The following KCTD8 variants were observed in gnomAD, a reference collection of about 807,000 sequenced individuals.
KCTD8 encodes BTB/POZ domain-containing protein KCTD8.
Under a neutral mutation model 31.5 loss-of-function variants are expected in KCTD8, and 27 were observed. The observed-to-expected ratio is 0.86, with a 90% CI of 0.63 to 1.18. KCTD8 has a LOEUF of 1.18. Ranked by LOEUF, KCTD8 falls within the 50% of genes most tolerant of loss-of-function variation. The probability of loss-of-function intolerance (pLI) is 0.00; values close to 1 mark genes in which losing one functional copy is unlikely to be tolerated. For missense variants in KCTD8, 658 were observed against 647.7 expected (o/e 1.02, Z -0.17); for synonymous variants, 290 against 280.0 (o/e 1.04, Z -0.36).
chr4:44,189,690 C>T (rs1013021069), intron 1 of KCTD8, among the ~76,000 whole-genome samples: 23 of 151,628 alleles, frequency 1.5e-4, no homozygotes, highest in Admixed American at 7.2e-4. Flanking sequence ...TCTCTATAGC[C>T]GACTCTACAC....
intron 1 of KCTD8, among the ~76,000 whole-genome samples, chr4:44,396,586 G>A (rs1252679147): frequency 6.6e-6 from 1 of 151,392 alleles, no homozygotes; most frequent in Non-Finnish European, 1.5e-5. Context: ...TAAAAATTCT[G>A]GACAAACACA....
intron 1 of KCTD8, among the ~76,000 whole-genome samples, chr4:44,421,825 G>A (rs1362168063): frequency 6.6e-6 from 1 of 151,960 alleles, no homozygotes; most frequent in Non-Finnish European, 1.5e-5. Context: ...GCTACTATTG[G>A]GAGTAAGCCC....
intron 1 of KCTD8, among the ~76,000 whole-genome samples, chr4:44,380,873 T>C (rs1258518051): frequency 2.0e-5 from 3 of 152,154 alleles, no homozygotes; most frequent in Admixed American, 6.6e-5. Context: ...TTTTTCACTC[T>C]TGTCCACAAA....
chr4:44,194,679 C>T (rs991020112), intron 1 of KCTD8, among the ~76,000 whole-genome samples: 1 of 151,772 alleles, frequency 6.6e-6, no homozygotes, highest in Non-Finnish European at 1.5e-5. Flanking sequence ...ACTCTTTGTT[C>T]ACTTTATAAA....
At chr4:44,235,869 G>A (rs1367286488) in intron 1 of KCTD8, among the ~76,000 whole-genome samples, 2 of 151,902 alleles carry the variant, frequency 1.3e-5, no homozygotes, top group Non-Finnish European at 2.9e-5. Context: ...ATGAGTCCCT[G>A]TATCAGTCAA....
At chr4:44,438,286 T>C (rs1721726514) in intron 1 of KCTD8, among the ~76,000 whole-genome samples, 1 of 152,216 alleles carries the variant, frequency 6.6e-6, no homozygotes, top group African/African-American at 2.4e-5. Context: ...TGAAGATATG[T>C]ATTTGAATCC....
At chr4:44,300,858 C>A (rs755679871) in intron 1 of KCTD8, among the ~76,000 whole-genome samples, 3 of 147,690 alleles carry the variant, frequency 2.0e-5, no homozygotes, top group Non-Finnish European at 4.5e-5. Flanking sequence ...CAAAGCTATC[C>A]CTCTCCCCTC....
At chr4:44,203,601 A>G (rs1222634276) in intron 1 of KCTD8, among the ~76,000 whole-genome samples, 1 of 151,698 alleles carries the variant, frequency 6.6e-6, no homozygotes, top group Non-Finnish European at 1.5e-5. Context: ...AAAAATACAT[A>G]GGAGCTTAAT....
chr4:44,348,601 A>G (rs1165838895), intron 1 of KCTD8, among the ~76,000 whole-genome samples: 1 of 152,200 alleles, frequency 6.6e-6, no homozygotes, highest in Non-Finnish European at 1.5e-5. Flanking sequence ...TCCTTACCAA[A>G]AAATACTTAT....
At chr4:44,303,638 A>C (rs1402864825) in intron 1 of KCTD8, among the ~76,000 whole-genome samples, 1 of 151,994 alleles carries the variant, frequency 6.6e-6, no homozygotes, top group African/African-American at 2.4e-5. Context: ...CAACATAGCA[A>C]AATCCCATCT....
chr4:44,261,171 C>G (rs1471367628), intron 1 of KCTD8, among the ~76,000 whole-genome samples: 1 of 151,864 alleles, frequency 6.6e-6, no homozygotes, highest in East Asian at 1.9e-4. Flanking sequence ...TCCTGAGAAA[C>G]TGGTGAACTA....
At chr4:44,384,900 C>T (rs575155823) in intron 1 of KCTD8, among the ~76,000 whole-genome samples, 16 of 150,476 alleles carry the variant, frequency 1.1e-4, no homozygotes, top group African/African-American at 2.9e-4. Context: ...ACAGGGTATC[C>T]GCATAAATAT....
chr4:44,362,408 T>A (rs1013201316), intron 1 of KCTD8, among the ~76,000 whole-genome samples: 1 of 152,150 alleles, frequency 6.6e-6, no homozygotes, highest in Non-Finnish European at 1.5e-5. Flanking sequence ...AAATGAAGCA[T>A]GTGTTTAAAA....
At chr4:44,234,954 G>C (rs1715232090) in intron 1 of KCTD8, among the ~76,000 whole-genome samples, 1 of 152,048 alleles carries the variant, frequency 6.6e-6, no homozygotes, top group Non-Finnish European at 1.5e-5. Flanking sequence ...AATTATTCTG[G>C]AACCACAGCA....
chr4:44,201,743 A>T (rs1012387639), intron 1 of KCTD8, among the ~76,000 whole-genome samples: 1 of 152,174 alleles, frequency 6.6e-6, no homozygotes, highest in Non-Finnish European at 1.5e-5. Context: ...AGCTTTGGCA[A>T]CAAATTTTTT....
At chr4:44,304,535 T>A (rs115002427) in intron 1 of KCTD8, among the ~76,000 whole-genome samples, 1,618 of 152,226 alleles carry the variant, frequency 0.011, 34 homozygotes, top group African/African-American at 0.037. Flanking sequence ...ATAAAGGGAA[T>A]AATAAGCTGT....
At chr4:44,235,525 TTATATATATATATATATA>T (rs752341720) in intron 1 of KCTD8, among the ~76,000 whole-genome samples, 5,959 of 54,986 alleles carry the variant, frequency 0.11, 441 homozygotes, top group Non-Finnish European at 0.14. Flanking sequence ...AGACACTGGA[TTATATATATATATATATA>T]TATATATATA....
chr4:44,328,452 C>A (rs1377203149), intron 1 of KCTD8, among the ~76,000 whole-genome samples: 1 of 151,928 alleles, frequency 6.6e-6, no homozygotes, highest in Non-Finnish European at 1.5e-5. Context: ...TTGACATATA[C>A]ACTTCGCCAA....
Position 44,447,281 on chromosome 4 carries a change from G to C in KCTD8, c.961+282C>G, listed in dbSNP as rs146665168. ...AGGAGACCCTGGCATCTGGGAGCGGGCTGGGCCGAGAAGGCAAGATCAATA... is the reference window on the plus strand; with the variant it reads ...AGGAGACCCTGGCATCTGGGAGCGGCCTGGGCCGAGAAGGCAAGATCAATA... On this transcript the variant is annotated intron_variant, in intron 1 of 1. Coordinates refer to ENST00000360029, the MANE Select transcript of KCTD8 (RefSeq NM_198353.3). 8.7e-4 allele frequency among the ~76,000 whole-genome samples: 132 copies of C among 152,366 alleles called. 1 individual carries two copies. Among genetic ancestry groups the C allele is most frequent in the African/African-American group, 3.1e-3 (127 of 41,596 alleles).
Sources: allele counts gnomAD v4.1 joint callset (sites outside exome capture counted in the v4.1 genomes callset), GRCh38; gene constraint gnomAD v4.1.1; transcripts MANE v1.5; gene names NCBI Gene and HGNC (gene_info 2026-07-23, HGNC 2026-07-21).